The following FYTTD1 variants were observed in gnomAD, a reference collection of about 807,000 sequenced individuals.
FYTTD1 encodes the protein UAP56-interacting factor.
A neutral mutation model predicts 40.9 loss-of-function variants in FYTTD1; 22 were observed. The ratio of observed to expected loss-of-function variants is 0.54; its 90% CI spans 0.38 to 0.77. FYTTD1 has a LOEUF of 0.77. Ranked by LOEUF, FYTTD1 falls within the 30% of genes least tolerant of loss-of-function variation. The pLI is 0.00. For synonymous variants in FYTTD1, 140 were observed against 137.9 expected, an observed-to-expected ratio of 1.01 and a Z score of -0.10; for missense variants, 351 against 392.2, an observed-to-expected ratio of 0.90 and a Z score of 0.89.
intron 4 of FYTTD1, among the ~76,000 whole-genome samples, chr3:197,770,652 A>G (rs563669453): frequency 6.6e-6 from 1 of 151,606 alleles, no homozygotes; most frequent in East Asian, 1.9e-4. Context: ...GGCTCAAGCG[A>G]TCCTCCCACA....
Position 197,750,103 on chromosome 3 carries a change from G to A in FYTTD1, c.103+29G>A. The A allele has an allele frequency of 4.0e-6, 6 of 1,500,914 alleles. No homozygotes were observed. In the South Asian group the frequency reaches 6.0e-5, roughly 15 times the overall value. The allele number at this position is 1,500,914 out of a possible 1,614,324, so 93.0% of individuals were successfully genotyped here. On this transcript the variant is annotated intron_variant, in intron 1 of 8. Coordinates refer to ENST00000241502, the MANE Select transcript of FYTTD1 (RefSeq NM_032288.7). Reference sequence around the variant, plus strand: ...AGGGGCCGAGTTGGACCGAGTTGGAGTGCGGGGGAGGGCGCGGGTGGAAGC... The same window carrying A: ...AGGGGCCGAGTTGGACCGAGTTGGAATGCGGGGGAGGGCGCGGGTGGAAGC...
chr3:197,779,980 C>T lies in FYTTD1; in HGVS notation c.858+1516C>T, dbSNP rs180942031. Among the ~76,000 whole-genome samples, 253 of 136,268 alleles carry T rather than the reference C, an allele frequency of 1.9e-3. 1 individual carries two copies. Among genetic ancestry groups the T allele is most frequent in the Non-Finnish European group, 3.3e-3 (216 of 65,288 alleles). 89.4% of individuals were successfully genotyped at this position (136,268 alleles called of 152,430 possible). Reference sequence around the variant, plus strand: ...CACACACCATACCTGGGGATGCAGGCACACACACTACACCTGGAGATACAG... The same window carrying T: ...CACACACCATACCTGGGGATGCAGGTACACACACTACACCTGGAGATACAG... On this transcript the variant is annotated intron_variant, in intron 8 of 8. Coordinates refer to ENST00000241502, the MANE Select transcript of FYTTD1 (RefSeq NM_032288.7).
chr3:197,755,816 C>G lies in FYTTD1; in HGVS notation c.104-610C>G, dbSNP rs7624719. On this transcript the variant is annotated intron_variant, in intron 1 of 8. Coordinates refer to ENST00000241502, the MANE Select transcript of FYTTD1 (RefSeq NM_032288.7). ...AGGGGGTCATCTTTAAAAAATGGAG[C>G]CTTCTGTGATTATGGGAAGTAAGTA... 22,518 of 1,516,076 alleles carry G rather than the reference C, an allele frequency of 0.015. 1,290 individuals are homozygous for G. The African/African-American group carries it at 0.15, about 10-fold the overall frequency. 93.9% of individuals were successfully genotyped at this position (1,516,076 alleles called of 1,614,324 possible).
At chr3:197,754,865 C>CCCA (rs1729166435) in intron 1 of FYTTD1, among the ~76,000 whole-genome samples, 1 of 152,052 alleles carries the variant, frequency 6.6e-6, no homozygotes, top group African/African-American at 2.4e-5. Context: ...TGAGGTTTTG[C>CCCA]TGTGTTGCCC....
At chr3:197,760,997 T>C (rs549802193) in intron 2 of FYTTD1, among the ~76,000 whole-genome samples, 42 of 150,596 alleles carry the variant, frequency 2.8e-4, no homozygotes, top group African/African-American at 1.0e-3. Flanking sequence ...AGTGGTAGAA[T>C]GTATAGAGTT....
chr3:197,751,323 G>T (rs1039467638), intron 1 of FYTTD1, among the ~76,000 whole-genome samples: 1 of 152,336 alleles, frequency 6.6e-6, no homozygotes, highest in Non-Finnish European at 1.5e-5. Flanking sequence ...CCTTGCTGCT[G>T]GTTAGTAGTG....
chr3:197,764,918 T>C (rs1481785464), intron 2 of FYTTD1, among the ~76,000 whole-genome samples: 1 of 151,492 alleles, frequency 6.6e-6, no homozygotes, highest in Non-Finnish European at 1.5e-5. Context: ...TAGTGCGATC[T>C]TGGCTCGTTG....
intron 4 of FYTTD1, among the ~76,000 whole-genome samples, chr3:197,771,570 A>G (rs188837737): frequency 0.014 from 2,160 of 151,878 alleles, 37 homozygotes; most frequent in African/African-American, 0.049. Context: ...AGGTCAGGAG[A>G]TCGAGACCAT....
chr3:197,771,754 G>A (rs906689765), intron 4 of FYTTD1, among the ~76,000 whole-genome samples: 2 of 129,624 alleles, frequency 1.5e-5, no homozygotes, highest in Non-Finnish European at 3.2e-5. Flanking sequence ...TCCAGCCTGG[G>A]CGACAGAGCG....
At chr3:197,777,740 C>T (rs536381926) in intron 7 of FYTTD1, among the ~76,000 whole-genome samples, 38 of 151,782 alleles carry the variant, frequency 2.5e-4, no homozygotes, top group South Asian at 1.9e-3. Context: ...TAAGAGATAA[C>T]GTCTCACTCT....
At chr3:197,766,292 A>G (rs1437664851) in intron 2 of FYTTD1, among the ~76,000 whole-genome samples, 2 of 152,170 alleles carry the variant, frequency 1.3e-5, no homozygotes, top group African/African-American at 4.8e-5. Context: ...GATATTATTT[A>G]TAATTAGAAC....
chr3:197,772,434 G>C (rs748722047), intron 4 of FYTTD1, among the ~76,000 whole-genome samples: 102 of 152,148 alleles, frequency 6.7e-4, no homozygotes, highest in Admixed American at 1.5e-3. Context: ...ACTTCCTATA[G>C]AAAACAAAAG....
chr3:197,766,498 TACA>T (rs1461988258), intron 2 of FYTTD1, among the ~76,000 whole-genome samples: 23 of 149,154 alleles, frequency 1.5e-4, no homozygotes, highest in African/African-American at 5.7e-4. Context: ...CAGCCTGGAG[TACA>T]GTGTGATCTT....
At chr3:197,774,039 C>G in intron 5 of FYTTD1, 110 bp from the exon 6 acceptor site, 1 of 878,818 alleles carries the variant, frequency 1.1e-6, no homozygotes, top group Non-Finnish European at 1.9e-6. Context: ...GGCACCTCCG[C>G]TGCACTCATG....
rs933361363 is a variant in FYTTD1 at position 197,774,108 on chromosome 3, T to C, written c.595-41T>C. The stretch of plus-strand genomic sequence containing the variant: ...AGGATCGCTCTTTGGATTCAAATCC[T>C]CTGCTTTCTGTGGTACCTACTGCTT... On this transcript the variant is annotated intron_variant, in intron 5 of 8. Transcript: ENST00000241502. 5.1e-6 allele frequency: 8 copies of C among 1,556,584 alleles called. No individual in the cohort carries two copies. The African/African-American group carries it at 8.1e-5, about 16-fold the overall frequency.
At chr3:197,780,671 TA>T (rs1185377987) in intron 8 of FYTTD1, among the ~76,000 whole-genome samples, 3 of 151,760 alleles carry the variant, frequency 2.0e-5, no homozygotes, top group Admixed American at 6.6e-5. Flanking sequence ...GCCTCCTGAG[TA>T]GCTGGGATTA....
Position 197,765,094 on chromosome 3 carries a change from C to A in FYTTD1, c.236-3345C>A, listed in dbSNP as rs1034518892. 3.3e-5 allele frequency among the ~76,000 whole-genome samples: 5 copies of A among 152,186 alleles called. No homozygotes were observed. In the East Asian group the frequency reaches 7.8e-4, roughly 24 times the overall value. On this transcript the variant is annotated intron_variant, in intron 2 of 8. Transcript: ENST00000241502. ...TCTCGAACTCCTGACCTCAAATGATCCACCCGCCTCAGCCTCACTAAATGT... is the reference window on the plus strand; with the variant it reads ...TCTCGAACTCCTGACCTCAAATGATACACCCGCCTCAGCCTCACTAAATGT...
intron 1 of FYTTD1, chr3:197,750,726 G>C (rs1211170591): frequency 1.3e-5 from 13 of 985,368 alleles, no homozygotes; most frequent in Non-Finnish European, 1.4e-5. Flanking sequence ...GCCTAGAAAA[G>C]CACAGTCTCC....
chr3:197,780,085 A>G (rs554924238), intron 8 of FYTTD1, among the ~76,000 whole-genome samples: 4 of 139,914 alleles, frequency 2.9e-5, no homozygotes, highest in Non-Finnish European at 3.1e-5. Context: ...ACCTGGGGAT[A>G]CAGGCACACA....
Sources: gnomAD v4.1 joint callset for allele counts (sites outside exome capture counted in the v4.1 genomes callset) on GRCh38, gnomAD v4.1.1 for gene constraint, MANE v1.5 for transcripts, NCBI Gene and HGNC (gene_info 2026-07-23, HGNC 2026-07-21) for gene names.